TNRC18: variants seen among roughly 807,000 people sequenced by gnomAD.
The protein encoded by TNRC18 is trinucleotide repeat containing 18.
In TNRC18, 69 loss-of-function variants were observed where a neutral mutation model predicts 226.7. The observed-to-expected ratio is 0.30, with a 90% confidence interval of 0.25 to 0.37. The LOEUF (loss-of-function observed/expected upper bound fraction) is 0.37, where lower values mean the gene tolerates loss of function less well. TNRC18 is among the 10% of genes least tolerant of loss of function. TNRC18 has a pLI of 1.00. For synonymous variants in TNRC18, 2,449 were observed against 1,927.6 expected (o/e 1.27, Z -7.09); for missense variants, 4,754 against 4,256.6 (o/e 1.12, Z -3.25).
In TNRC18 at chr7:5,312,306, C is replaced by A. The variant is rs1787308546; in HGVS notation, c.8388+197G>T. On this transcript the variant is annotated intron_variant, in intron 27 of 29. Transcript: ENST00000430969. The surrounding 1 kb of genome is among the most constrained non-coding windows in gnomAD (Gnocchi z 6.3). The stretch of plus-strand genomic sequence containing the variant: ...ACCACTCTGCTCTGAAGGACTCGGG[C>A]ATCGGAGTCCGACAGACCCAGGTGC... Among the ~76,000 whole-genome samples the A allele has an allele frequency of 6.6e-6, 1 of 152,198 alleles. No individual in the cohort carries two copies. Among genetic ancestry groups the A allele is most frequent in the East Asian group, 1.9e-4 (1 of 5,194 alleles).
In TNRC18 at chr7:5,351,952, C is replaced by G. The variant is rs566608762; in HGVS notation, c.5337G>C (p.Lys1779Asn). ...GAGTCCGGGGGGCCGCCAGGCCCCT[C>G]TTGGTCAGCTTGGGGCCACCAGCTG... ...SKAAGGPKLT[K>N]RGLAAPRTLK... Residue 1779 changes from lysine (K) to asparagine (N), a missense_variant, in exon 17 of 30, where the codon AAG becomes AAC. Physicochemically the swap from Lys to Asn is moderately conservative, Grantham distance 94 (BLOSUM62 0). Coordinates refer to ENST00000430969, the MANE Select transcript of TNRC18 (RefSeq NM_001080495.3). The G allele has an allele frequency of 2.5e-6, 4 of 1,613,906 alleles. No individual in the cohort carries two copies. Among genetic ancestry groups the G allele is most frequent in the African/African-American group, 1.3e-5 (1 of 75,054 alleles).
chr7:5,351,471 A>T (rs184782070), intron 17 of TNRC18, among the ~76,000 whole-genome samples: 1,380 of 114,034 alleles, frequency 0.012, 25 homozygotes, highest in African/African-American at 0.042. Context: ...TGGGCAGAAA[A>T]CGTGAGTGCG....
rs1789032635 is a variant in TNRC18, at chr7:5,327,384, T to TGG, written c.6148-2137_6148-2136insCC. 4.8e-5 allele frequency among the ~76,000 whole-genome samples: 5 copies of TGG among 103,992 alleles called. No homozygotes were observed. In the South Asian group the frequency reaches 1.2e-3, roughly 26 times the overall value. 68.2% of individuals were successfully genotyped at this position (103,992 alleles called of 152,430 possible). A position where few individuals can be genotyped will look rare whatever the true frequency, so the allele number is the denominator to read the frequency against. Reference sequence around the variant, plus strand: ...GTGTGTGTTTGTGCGTGTGTGTGTGTGTGTGTGTGTGTGTGTGTGTGTGTG... The same window carrying TGG: ...GTGTGTGTTTGTGCGTGTGTGTGTGTGGGTGTGTGTGTGTGTGTGTGTGTGTG... On this transcript the variant is annotated intron_variant, in intron 19 of 29. Transcript: ENST00000430969.
chr7:5,388,559 C>A lies in TNRC18; in HGVS notation c.1265G>T (p.Arg422Leu). The A allele has an allele frequency of 2.3e-6, 3 of 1,310,586 alleles. No individual in the cohort carries two copies. Among genetic ancestry groups the A allele is most frequent in the Non-Finnish European group, 2.9e-6 (3 of 1,032,548 alleles). The allele number at this position is 1,310,586 out of a possible 1,614,324, so 81.2% of individuals were successfully genotyped here. A position where few individuals can be genotyped will look rare whatever the true frequency, so the allele number is the denominator to read the frequency against. The change falls in exon 5 of 30, where the codon CGG becomes CTG. Residue 422 changes from arginine (R) to leucine (L), a missense_variant. Physicochemically the swap from Arg to Leu is moderately radical, Grantham distance 102. Transcript: ENST00000430969. Reference sequence around the variant, plus strand: ...GTTCTTCTCGCGCAGGCCCTCGGGCCGGTCCAGAGGCCGCGGGGAGCCGGG... The same window carrying A: ...GTTCTTCTCGCGCAGGCCCTCGGGCAGGTCCAGAGGCCGCGGGGAGCCGGG... Reference protein sequence around the residue: ...APPGSPRPLDRPEGLREKNSV... With the variant: ...APPGSPRPLDLPEGLREKNSV...
chr7:5,418,475 T>TCCG (rs1026163121), intron 2 of TNRC18, among the ~76,000 whole-genome samples: 3 of 152,078 alleles, frequency 2.0e-5, no homozygotes, highest in Non-Finnish European at 4.4e-5. Flanking sequence ...GGGATCTTTC[T>TCCG]CCGAGGGCCC....
At chr7:5,329,707 A>AAG (rs368435485) in intron 19 of TNRC18, among the ~76,000 whole-genome samples, 3 of 150,326 alleles carry the variant, frequency 2.0e-5, no homozygotes, top group South Asian at 2.1e-4. Context: ...AAAAAAAAAA[A>AAG]GGATAGCTAT....
rs570708363 is a variant in TNRC18, at chr7:5,383,501, C to G, written c.2152+4171G>C. On this transcript the variant is annotated intron_variant, in intron 5 of 29. Coordinates refer to ENST00000430969, the MANE Select transcript of TNRC18 (RefSeq NM_001080495.3). ...AGCCGCCCCCAGAGGCCAGAGGGCT[C>G]GAGGCTCTTGTTCAAGGTTACGTAG... 3.3e-5 allele frequency among the ~76,000 whole-genome samples: 5 copies of G among 152,342 alleles called. No individual in the cohort carries two copies. The South Asian group carries it at 6.2e-4, about 19-fold the overall frequency.
At chr7:5,328,500 C>T (rs1562498586) in intron 19 of TNRC18, among the ~76,000 whole-genome samples, 1 of 141,150 alleles carries the variant, frequency 7.1e-6, no homozygotes, top group Admixed American at 7.5e-5. Context: ...AGACCACCTT[C>T]CCCGCCGCCG....
chr7:5,423,254 A>G (rs937951708), intron 1 of TNRC18, 187 bp downstream of exon 1: 1 of 148,796 alleles, frequency 6.7e-6, no homozygotes, highest in Non-Finnish European at 1.5e-5. Context: ...CCAGCAGCCC[A>G]CCCCCACCCC....
rs1239904812 is a variant in TNRC18, at chr7:5,307,453, T to C, written c.*653A>G. Reference sequence around the variant, plus strand: ...TCAGCACCATTGGGGTTTTCTGTAGTGTGAGGGTTTGGACCAGGGTGGGCC... The same window carrying C: ...TCAGCACCATTGGGGTTTTCTGTAGCGTGAGGGTTTGGACCAGGGTGGGCC... On this transcript the variant is annotated 3_prime_UTR_variant, in exon 30 of 30. Coordinates refer to ENST00000430969, the MANE Select transcript of TNRC18 (RefSeq NM_001080495.3). 4 of 396,834 alleles carry C rather than the reference T, an allele frequency of 1.0e-5. No individual in the cohort carries two copies. The highest frequency in any genetic ancestry group is 2.8e-5 in the Admixed American group (1 of 35,308). 24.6% of individuals were successfully genotyped at this position (396,834 alleles called of 1,614,324 possible).
Position 5,358,472 on chromosome 7 carries a change from T to TA in TNRC18, c.4833+925dup, listed in dbSNP as rs1792685937. On this transcript the variant is annotated intron_variant, in intron 15 of 29. Coordinates refer to ENST00000430969, the MANE Select transcript of TNRC18 (RefSeq NM_001080495.3). ...TTAACACTGGCAATCTTTCTTCTCT[T>TA]AGACCCCGTCTCCCTCCATGAGCCT... 2.0e-5 allele frequency among the ~76,000 whole-genome samples: 3 copies of TA among 152,280 alleles called. No homozygotes were observed. In the South Asian group the frequency reaches 6.2e-4, roughly 32 times the overall value.
chr7:5,333,112 C>A, intron 18 of TNRC18, 63 bp from the exon 19 acceptor site: 2 of 1,510,032 alleles, frequency 1.3e-6, no homozygotes, highest in Non-Finnish European at 1.8e-6. Context: ...TCCCACCCAG[C>A]CACATGGACA....
At chr7:5,372,225 G>A (rs571300273) in intron 10 of TNRC18, among the ~76,000 whole-genome samples, 25 of 151,244 alleles carry the variant, frequency 1.7e-4, no homozygotes, top group Admixed American at 1.3e-3. Flanking sequence ...CCGCCACCAT[G>A]CCTGGCTAAT....
intron 5 of TNRC18, among the ~76,000 whole-genome samples, chr7:5,380,423 G>GCCACA (rs556466206): frequency 3.0e-4 from 46 of 152,232 alleles, no homozygotes; most frequent in Non-Finnish European, 8.8e-5. Context: ...TCCAGCCTAG[G>GCCACA]CCACAGAGCA....
rs373893696 is a variant in TNRC18 at position 5,309,857 on chromosome 7, C to G, written c.8389-489G>C. Among the ~76,000 whole-genome samples, 2 of 152,182 alleles carry G rather than the reference C, an allele frequency of 1.3e-5. No individual in the cohort carries two copies. The highest frequency in any genetic ancestry group is 2.9e-5 in the Non-Finnish European group (2 of 68,032). ...CCTCAAACCACCCTCCCACCTTTGCCTCCCAAAGCACTAGGATCGCAGTGT... is the reference window on the plus strand; with the variant it reads ...CCTCAAACCACCCTCCCACCTTTGCGTCCCAAAGCACTAGGATCGCAGTGT... On this transcript the variant is annotated intron_variant, in intron 27 of 29. Transcript: ENST00000430969. The surrounding 1 kb of genome is among the most constrained non-coding windows in gnomAD (Gnocchi z 5.7).
At chr7:5,393,105 G>A (rs1267620516) in intron 3 of TNRC18, among the ~76,000 whole-genome samples, 1 of 152,268 alleles carries the variant, frequency 6.6e-6, no homozygotes, top group East Asian at 1.9e-4. Context: ...AGCACCCTGT[G>A]TGTTTGTGGT....
Position 5,357,241 on chromosome 7 carries a change from C to T in TNRC18, c.4869G>A (p.Gln1623=), listed in dbSNP as rs767197213. 2 of 1,612,428 alleles carry T rather than the reference C, an allele frequency of 1.2e-6. No homozygotes were observed. Among genetic ancestry groups the T allele is most frequent in the East Asian group, 4.5e-5 (2 of 44,866 alleles). ...TGTCGAGCTTGCTTGCCAACTGCTC[C>T]TGGTCGCTGGCCATCTTCTTCTTCT... ...KIKKKKMASD[Q]EQLASKLDKA... is the part of the protein sequence containing the mutation. Residue 1623 remains glutamine, a synonymous_variant, in exon 16 of 30, where the codon CAG becomes CAA. Transcript: ENST00000430969.
chr7:5,314,292 G>C (rs1787619133), intron 26 of TNRC18, among the ~76,000 whole-genome samples: 1 of 152,112 alleles, frequency 6.6e-6, no homozygotes, highest in African/African-American at 2.4e-5. Context: ...TTCAATCCTG[G>C]CCCTGCTACT....
chr7:5,343,588 A>G (rs1790883518), intron 18 of TNRC18, among the ~76,000 whole-genome samples: 1 of 152,004 alleles, frequency 6.6e-6, no homozygotes. Context: ...GTGCCTGGCT[A>G]ATTTTTCTGT....
Sources: gnomAD v4.1 joint callset for allele counts (sites outside exome capture counted in the v4.1 genomes callset) on GRCh38, gnomAD v4.1.1 for gene constraint, Gnocchi (gnomAD v3.1) non-coding constraint, MANE v1.5 for transcripts, NCBI Gene and HGNC (gene_info 2026-07-23, HGNC 2026-07-21) for gene names.